Variants in SHOC1 observed in about 807,000 individuals in gnomAD.
SHOC1 encodes the protein shortage in chiasmata 1.
Under a neutral mutation model 179.2 loss-of-function variants are expected in SHOC1, and 136 were observed. That is an observed-to-expected ratio of 0.76 (90% CI 0.66 to 0.87). SHOC1 has a LOEUF of 0.87. SHOC1 is among the 40% of genes least tolerant of loss of function. The pLI, the probability that SHOC1 is intolerant of heterozygous loss-of-function variation, is 0.00. For missense variants in SHOC1, 1,538 were observed against 1,700.8 expected (o/e 0.90, Z 1.68); for synonymous variants, 489 against 586.6 (o/e 0.83, Z 2.41).
intron 3 of SHOC1, among the ~76,000 whole-genome samples, chr9:111,782,562 C>G (rs1648018944): frequency 6.6e-6 from 1 of 151,232 alleles, no homozygotes; most frequent in African/African-American, 2.5e-5. Flanking sequence ...TACACTAAAA[C>G]AGTTGAAAAT....
chr9:111,787,316 T>C (rs1836296831), intron 2 of SHOC1, among the ~76,000 whole-genome samples: 1 of 152,190 alleles, frequency 6.6e-6, no homozygotes, highest in African/African-American at 2.4e-5. Flanking sequence ...GCAAAGTCAA[T>C]TGAAAACCTT....
At chr9:111,789,182 A>AAAT (rs1335507369) in intron 2 of SHOC1, among the ~76,000 whole-genome samples, 1 of 152,180 alleles carries the variant, frequency 6.6e-6, no homozygotes, top group Non-Finnish European at 1.5e-5. Context: ...ATAACATATT[A>AAAT]AATAAGAAGT....
chr9:111,751,603 T>C (rs1400904053), intron 8 of SHOC1, among the ~76,000 whole-genome samples: 3 of 152,202 alleles, frequency 2.0e-5, no homozygotes, highest in Admixed American at 2.0e-4. Flanking sequence ...CAAAACTTTC[T>C]CCCTTTCAAA....
chr9:111,711,225 G>A (rs1302897321), intron 18 of SHOC1, among the ~76,000 whole-genome samples: 1 of 152,160 alleles, frequency 6.6e-6, no homozygotes, highest in Non-Finnish European at 1.5e-5. Context: ...GAGACAGGAG[G>A]CAGCCAATGG....
At chr9:111,718,970 A>T (rs1832919893) in intron 15 of SHOC1, among the ~76,000 whole-genome samples, 1 of 152,148 alleles carries the variant, frequency 6.6e-6, no homozygotes, top group South Asian at 2.1e-4. Flanking sequence ...ATATATTGAG[A>T]TCTCATGAAA....
At chr9:111,786,982 C>A (rs993305001) in intron 2 of SHOC1, among the ~76,000 whole-genome samples, 3 of 152,084 alleles carry the variant, frequency 2.0e-5, no homozygotes, top group Non-Finnish European at 4.4e-5. Context: ...CTAAATCTAC[C>A]CTGTCTATGC....
In SHOC1 at chr9:111,786,018, C is replaced by T; in HGVS notation, c.63G>A (p.Lys21=). The part of the protein sequence containing the change: ...DYLYENVVRK[K]FYRDALLLRI... ...GAAGCAATAAAGCATCTCTGTAAAA[C>T]TTCTTTCTAACCACATTCTGTGGAA... is the stretch of plus-strand genomic sequence containing the variant. Residue 21 remains lysine (K), a synonymous_variant, in exon 3 of 28, where the codon AAG becomes AAA. Coordinates refer to ENST00000682961, the MANE Select transcript of SHOC1 (RefSeq NM_001378211.1). 6.7e-7 allele frequency: 1 copy of T among 1,499,676 alleles called. No individual in the cohort carries two copies. The allele number at this position is 1,499,676 out of a possible 1,614,324, so 92.9% of individuals were successfully genotyped here. A position where few individuals can be genotyped will look rare whatever the true frequency, so the allele number is the denominator to read the frequency against.
intron 1 of SHOC1, among the ~76,000 whole-genome samples, chr9:111,794,287 A>G (rs1836549009): frequency 8.4e-6 from 1 of 118,762 alleles, no homozygotes; most frequent in East Asian, 2.3e-4. Flanking sequence ...TTAAAAAAAA[A>G]AAAATAATAA....
intron 8 of SHOC1, among the ~76,000 whole-genome samples, chr9:111,749,594 G>T (rs1411278781): frequency 6.6e-6 from 1 of 152,102 alleles, no homozygotes; most frequent in Non-Finnish European, 1.5e-5. Context: ...TGCCATGGTG[G>T]TTTGCTGCAC....
intron 12 of SHOC1, among the ~76,000 whole-genome samples, chr9:111,733,205 T>C (rs1301554678): frequency 6.6e-6 from 1 of 152,242 alleles, no homozygotes; most frequent in African/African-American, 2.4e-5. Context: ...TGTAAATTAG[T>C]AAAATGTATG....
intron 8 of SHOC1, among the ~76,000 whole-genome samples, chr9:111,748,790 C>T (rs1834419030): frequency 1.0e-5 from 1 of 98,392 alleles, no homozygotes; most frequent in African/African-American, 4.2e-5. Context: ...TCCCTCCCCT[C>T]CCCCCCTTCC....
Position 111,700,061 on chromosome 9 carries a change from T to C in SHOC1, c.3090-14A>G. ...GTAAGCAGATACCTACAAAGAATTA[T>C]ATTACTATATTTCTATTCATTTGAT... On this transcript the variant is annotated splice_polypyrimidine_tract_variant and intron_variant, in intron 23 of 27. Transcript: ENST00000682961. The C allele has an allele frequency of 8.0e-7, 1 of 1,246,760 alleles. No individual in the cohort carries two copies. The highest frequency in any genetic ancestry group is 2.3e-5 in the East Asian group (1 of 42,692). 77.2% of individuals were successfully genotyped at this position (1,246,760 alleles called of 1,614,324 possible).
chr9:111,732,154 G>C lies in SHOC1; in HGVS notation c.1418-4105C>G, dbSNP rs145158463. ...AAAACACTGCCAATACCAAGTGTTAGCAAGGATATGGGGTAACTGGATCTC... is the reference window on the plus strand; with the variant it reads ...AAAACACTGCCAATACCAAGTGTTACCAAGGATATGGGGTAACTGGATCTC... On this transcript the variant is annotated intron_variant, in intron 12 of 27. Transcript: ENST00000682961. Among the ~76,000 whole-genome samples the C allele has an allele frequency of 4.1e-4, 63 of 152,310 alleles. 2 individuals are homozygous for C. Among genetic ancestry groups the C allele is most frequent in the Non-Finnish European group, 5.9e-4 (40 of 68,030 alleles).
intron 3 of SHOC1, among the ~76,000 whole-genome samples, chr9:111,782,890 C>T (rs951242789): frequency 2.0e-5 from 3 of 152,142 alleles, no homozygotes; most frequent in African/African-American, 7.2e-5. Flanking sequence ...CCTCATTTTC[C>T]ACCACCAATT....
rs1199563190 is a variant in SHOC1, at chr9:111,723,785, A to C, written c.1954+7T>G. ...TCTGAAATGCATTTTAAAAGCATAT[A>C]ACATACCTGACGCTTGAATTTCAAT... On this transcript the variant is annotated splice_region_variant and intron_variant, in intron 14 of 27. Transcript: ENST00000682961. The C allele has an allele frequency of 6.2e-7, 1 of 1,610,362 alleles. No individual in the cohort carries two copies. Among genetic ancestry groups the C allele is most frequent in the Non-Finnish European group, 8.5e-7 (1 of 1,179,372 alleles).
Position 111,781,130 on chromosome 9 carries a change from G to A in SHOC1, c.170-113C>T, listed in dbSNP as rs1236792202. 3.7e-5 allele frequency: 27 copies of A among 724,326 alleles called. No individual in the cohort carries two copies. In the East Asian group the frequency reaches 6.9e-4, roughly 19 times the overall value. 44.9% of individuals were successfully genotyped at this position (724,326 alleles called of 1,614,324 possible). On this transcript the variant is annotated intron_variant, in intron 3 of 27. Transcript: ENST00000682961. Reference sequence around the variant, plus strand: ...ATTTTATCTTTATTTATTCACAAATGTATTTTTTCAAAGTGATACCTGATT... The same window carrying A: ...ATTTTATCTTTATTTATTCACAAATATATTTTTTCAAAGTGATACCTGATT...
chr9:111,689,649 C>T (rs912343632), intron 27 of SHOC1, among the ~76,000 whole-genome samples: 16 of 151,346 alleles, frequency 1.1e-4, no homozygotes, highest in African/African-American at 3.4e-4. Context: ...AATGTAGATA[C>T]TAGTATCAAA....
At chr9:111,715,130 G>A (rs889079747) in intron 16 of SHOC1, among the ~76,000 whole-genome samples, 4 of 152,088 alleles carry the variant, frequency 2.6e-5, no homozygotes, top group African/African-American at 9.7e-5. Context: ...GGCTCACTAA[G>A]GGCATTTTTA....
At chr9:111,725,488 T>C (rs1260102525) in intron 13 of SHOC1, among the ~76,000 whole-genome samples, 2 of 152,040 alleles carry the variant, frequency 1.3e-5, no homozygotes, top group Non-Finnish European at 2.9e-5. Flanking sequence ...TGGACTGGGA[T>C]AGGATACCCC....
Sources: allele counts gnomAD v4.1 joint callset (sites outside exome capture counted in the v4.1 genomes callset), GRCh38; gene constraint gnomAD v4.1.1; transcripts MANE v1.5; gene names NCBI Gene and HGNC (gene_info 2026-07-23, HGNC 2026-07-21).